FAM193B: variants seen among roughly 807,000 people sequenced by gnomAD.
The protein encoded by FAM193B is protein FAM193B.
In FAM193B, 27 loss-of-function variants were observed where a neutral mutation model predicts 70.7. The observed-to-expected ratio is 0.38, with a 90% CI of 0.28 to 0.53. FAM193B has a LOEUF of 0.53. Among genes scored for constraint, FAM193B ranks in the 20% least tolerant of loss-of-function variants. The pLI is 0.81. For synonymous variants in FAM193B, 448 were observed against 436.0 expected, an observed-to-expected ratio of 1.03 and a Z score of -0.34; for missense variants, 1,022 against 1,072.5, an observed-to-expected ratio of 0.95 and a Z score of 0.66.
At chr5:177,553,441 C>G in intron 1 of FAM193B, 1 of 1,077,078 alleles carries the variant, frequency 9.3e-7, no homozygotes, top group Non-Finnish European at 1.1e-6. Context: ...CACAACCCTC[C>G]CAGAGCAACC....
rs1762272800 is a variant in FAM193B, at chr5:177,524,442, A to G, written c.2039T>C (p.Leu680Pro). 6.2e-7 allele frequency: 1 copy of G among 1,608,206 alleles called. No homozygotes were observed. The highest frequency in any genetic ancestry group is 8.5e-7 in the Non-Finnish European group (1 of 1,177,482). ...CTCAGCACAGCTGCCTACTTTGGGAAGCTCTAGGACCCTGCCTGGCTGCTT... is the reference window on the plus strand; with the variant it reads ...CTCAGCACAGCTGCCTACTTTGGGAGGCTCTAGGACCCTGCCTGGCTGCTT... ...GPKQPGRVLE[L>P]PKVGSCAEAG... The change falls in exon 6 of 9, where the codon CTT becomes CCT. Residue 680 changes from leucine to proline, a missense_variant. Leu to Pro is a moderately conservative substitution (Grantham distance 98). Transcript: ENST00000514747.
At chr5:177,537,810 G>A in intron 3 of FAM193B, 63 bp downstream of exon 3, 1 of 1,522,808 alleles carries the variant, frequency 6.6e-7, no homozygotes, top group Non-Finnish European at 8.8e-7. Flanking sequence ...GAACAAAGTG[G>A]ATAGGAAAAC....
At position 177,531,345 on chromosome 5, in the gene FAM193B, C is replaced by T. The variant is rs749945196; in HGVS notation, c.1275+1098G>A. 9 of 1,360,892 alleles carry T rather than the reference C, an allele frequency of 6.6e-6. No individual in the cohort carries two copies. In the South Asian group the frequency reaches 8.1e-5, roughly 12 times the overall value. 84.3% of individuals were successfully genotyped at this position (1,360,892 alleles called of 1,614,324 possible). On this transcript the variant is annotated intron_variant, in intron 5 of 8. Coordinates refer to ENST00000514747, the MANE Select transcript of FAM193B (RefSeq NM_001190946.3). Reference sequence around the variant, plus strand: ...TGGCGCTGTTGGGGACTTTGGGCTCCGTGCTGTTGATGAATTCCAGCAGCT... The same window carrying T: ...TGGCGCTGTTGGGGACTTTGGGCTCTGTGCTGTTGATGAATTCCAGCAGCT...
intron 5 of FAM193B, chr5:177,531,644 C>T (rs1561762983): frequency 2.2e-6 from 2 of 894,688 alleles, no homozygotes; most frequent in Admixed American, 3.7e-5. Flanking sequence ...CATTAGCCAC[C>T]AAGGCCACAT....
chr5:177,540,173 G>A (rs1278654424), intron 1 of FAM193B, among the ~76,000 whole-genome samples: 1 of 152,060 alleles, frequency 6.6e-6, no homozygotes, highest in Non-Finnish European at 1.5e-5. Context: ...TGGGCATGGT[G>A]GCAAGCACCT....
In FAM193B at chr5:177,525,166, G is replaced by T; in HGVS notation, c.1315C>A (p.Gln439Lys). The change falls in exon 6 of 9, where the codon CAG becomes AAG. Residue 439 changes from glutamine to lysine, a missense_variant. Transcript: ENST00000514747. ...CGGCTTCCAGAAACACGATTTGCCT[G>T]CTTTAGAGCTTCTGCTGCCAACTGG... is the stretch of plus-strand genomic sequence containing the variant. Reference protein sequence around the residue: ...KAQLAAEALKQANRVSGSREP... With the variant: ...KAQLAAEALKKANRVSGSREP... 1 of 1,494,330 alleles carries T rather than the reference G, an allele frequency of 6.7e-7. No homozygotes were observed. The highest frequency in any genetic ancestry group is 8.9e-7 in the Non-Finnish European group (1 of 1,120,830). The allele number at this position is 1,494,330 out of a possible 1,614,324, so 92.6% of individuals were successfully genotyped here. A position where few individuals can be genotyped will look rare whatever the true frequency, so the allele number is the denominator to read the frequency against.
At chr5:177,531,530 G>T (rs537013008) in intron 5 of FAM193B, 56 of 1,267,412 alleles carry the variant, frequency 4.4e-5, no homozygotes, top group Middle Eastern at 3.0e-4. Flanking sequence ...GGCTGGGGGT[G>T]GGGGGGAGGT....
intron 5 of FAM193B, 32 bp from the exon 6 acceptor site, chr5:177,525,237 G>T: frequency 7.0e-7 from 1 of 1,430,342 alleles, no homozygotes; most frequent in Non-Finnish European, 9.2e-7. Context: ...TTAGCAGGAG[G>T]CTGTCAACTG....
rs765719794 is a variant in FAM193B at position 177,532,001 on chromosome 5, C to G, written c.1275+442G>C. 7.7e-7 allele frequency: 1 copy of G among 1,290,804 alleles called. No homozygotes were observed. Among genetic ancestry groups the G allele is most frequent in the Admixed American group, 2.3e-5 (1 of 43,538 alleles). 80.0% of individuals were successfully genotyped at this position (1,290,804 alleles called of 1,614,324 possible). On this transcript the variant is annotated intron_variant, in intron 5 of 8. Coordinates refer to ENST00000514747, the MANE Select transcript of FAM193B (RefSeq NM_001190946.3). The surrounding 1 kb of genome is among the most constrained non-coding windows in gnomAD (Gnocchi z 4.9). The stretch of plus-strand genomic sequence containing the variant: ...CCTCCCCCTGGCCAGAGCCAGCATG[C>G]CCTCTGATCTGAGCCTCCTTCCTGG...
At chr5:177,543,724 T>C (rs1765112379) in intron 1 of FAM193B, among the ~76,000 whole-genome samples, 1 of 152,232 alleles carries the variant, frequency 6.6e-6, no homozygotes, top group Non-Finnish European at 1.5e-5. Context: ...CAGCTCTTGG[T>C]TCAGAGTTCC....
intron 5 of FAM193B, chr5:177,531,471 G>A (rs1208421105): frequency 7.4e-7 from 1 of 1,359,846 alleles, no homozygotes; most frequent in Non-Finnish European, 9.8e-7. Flanking sequence ...GCCTCGAGCG[G>A]AGCTTCTCCC....
At chr5:177,545,498 T>C (rs925190449) in intron 1 of FAM193B, among the ~76,000 whole-genome samples, 2 of 152,186 alleles carry the variant, frequency 1.3e-5, no homozygotes, top group African/African-American at 4.8e-5. Flanking sequence ...TCAATAGATA[T>C]AAACAACACA....
chr5:177,524,150 TA>T, intron 6 of FAM193B, 34 bp downstream of exon 6: 1 of 1,585,928 alleles, frequency 6.3e-7, no homozygotes, highest in East Asian at 2.3e-5. Context: ...CTGGCTGGGG[TA>T]GGGGGTCAGC....
chr5:177,531,681 T>C, intron 5 of FAM193B: 1 of 694,652 alleles, frequency 1.4e-6, no homozygotes. Context: ...CCAGGCTGAA[T>C]CCAGGCGGCA....
chr5:177,542,305 C>G (rs62398469), intron 1 of FAM193B, among the ~76,000 whole-genome samples: 4 of 152,200 alleles, frequency 2.6e-5, no homozygotes, highest in Non-Finnish European at 5.9e-5. Context: ...TGGGCTAGTT[C>G]TACTTACCCT....
rs572150140 is a variant in FAM193B at position 177,544,285 on chromosome 5, T to G, written c.211-5138A>C. On this transcript the variant is annotated intron_variant, in intron 1 of 8. Transcript: ENST00000514747. ...CTGTAGCCATTAAAACCATTATCTC[T>G]GCTCCCTTACCAGATCAGGCCCAAG... is the stretch of plus-strand genomic sequence containing the variant. Among the ~76,000 whole-genome samples the G allele has an allele frequency of 5.3e-5, 8 of 152,324 alleles. 1 individual carries two copies. In the South Asian group the frequency reaches 1.7e-3, roughly 32 times the overall value.
chr5:177,549,171 G>A (rs933638137), intron 1 of FAM193B, among the ~76,000 whole-genome samples: 9 of 148,330 alleles, frequency 6.1e-5, no homozygotes, highest in Non-Finnish European at 1.0e-4. Flanking sequence ...AACCATGTAA[G>A]ACTGGATTGT....
intron 1 of FAM193B, among the ~76,000 whole-genome samples, chr5:177,547,496 G>A (rs28470545): frequency 6.6e-6 from 1 of 150,852 alleles, no homozygotes; most frequent in Non-Finnish European, 1.5e-5. Context: ...GTGTTAGCCA[G>A]GATGGTCTCG....
At chr5:177,552,656 G>A (rs989890046) in intron 1 of FAM193B, among the ~76,000 whole-genome samples, 1 of 152,222 alleles carries the variant, frequency 6.6e-6, no homozygotes, top group Non-Finnish European at 1.5e-5. Context: ...AGGCTGGTGG[G>A]GGAAGCAGCT....
Sources: gnomAD v4.1 joint callset for allele counts (sites outside exome capture counted in the v4.1 genomes callset) on GRCh38, gnomAD v4.1.1 for gene constraint, Gnocchi (gnomAD v3.1) non-coding constraint, MANE v1.5 for transcripts, NCBI Gene and HGNC (gene_info 2026-07-23, HGNC 2026-07-21) for gene names.